The following RASEF variants were observed in gnomAD, a reference collection of about 807,000 sequenced individuals.
RASEF encodes the protein RAS and EF-hand domain containing.
In RASEF, 68 loss-of-function variants were observed where a neutral mutation model predicts 90.1. The observed-to-expected ratio is 0.75, with a 90% CI of 0.62 to 0.92. The LOEUF (loss-of-function observed/expected upper bound fraction) is 0.92, where lower values mean the gene tolerates loss of function less well. Ranked by LOEUF, RASEF falls within the 40% of genes least tolerant of loss-of-function variation. The probability of loss-of-function intolerance (pLI) is 0.00; values close to 1 mark genes in which losing one functional copy is unlikely to be tolerated. For missense variants in RASEF, 949 were observed against 937.2 expected (o/e 1.01, Z -0.16); for synonymous variants, 331 against 345.2 (o/e 0.96, Z 0.46).
the RASEF span, among the ~76,000 whole-genome samples, chr9:83,123,562 GC>G: frequency 7.1e-6 from 1 of 141,458 alleles, no homozygotes. Context: ...TGCTTCCTCA[GC>G]CCATCCTCAG....
At chr9:83,172,685 T>G in the RASEF span, among the ~76,000 whole-genome samples, 3 of 151,850 alleles carry the variant, frequency 2.0e-5, no homozygotes, top group Non-Finnish European at 4.4e-5. Context: ...TTTTCTGACT[T>G]TTTGTGTTTT....
chr9:83,131,331 G>A, the RASEF span, among the ~76,000 whole-genome samples: 3 of 152,204 alleles, frequency 2.0e-5, no homozygotes, highest in African/African-American at 7.2e-5. Flanking sequence ...GAGATAGGTT[G>A]TTAGAGAAGA....
At position 83,062,875 on chromosome 9, in the gene RASEF, G is replaced by A. The variant is rs769967154; in HGVS notation, c.-8C>T. On this transcript the variant is annotated 5_prime_UTR_variant, in exon 1 of 17. Transcript: ENST00000376447. The stretch of plus-strand genomic sequence containing the variant: ...GTCCCCATCCGCCTCCATCCCGCCT[G>A]GCGGGGGCGGCCGAGAGGGCTCCGG... 1.3e-6 allele frequency: 2 copies of A among 1,484,540 alleles called. No homozygotes were observed. The highest frequency in any genetic ancestry group is 1.8e-6 in the Non-Finnish European group (2 of 1,127,780). The allele number at this position is 1,484,540 out of a possible 1,614,324, so 92.0% of individuals were successfully genotyped here. A position where few individuals can be genotyped will look rare whatever the true frequency, so the allele number is the denominator to read the frequency against.
chr9:83,187,050 G>C, the RASEF span, among the ~76,000 whole-genome samples: 1 of 152,090 alleles, frequency 6.6e-6, no homozygotes, highest in African/African-American at 2.4e-5. Flanking sequence ...CAGGCACCAG[G>C]TAACTAGAGA....
chr9:82,982,810 A>T, intron 16 of RASEF, 28 bp from the exon 17 acceptor site: 1 of 427,838 alleles, frequency 2.3e-6, no homozygotes, highest in Non-Finnish European at 3.5e-6. Flanking sequence ...AGAGACAGAG[A>T]GAGAGAGAGA....
the RASEF span, among the ~76,000 whole-genome samples, chr9:83,095,529 T>C: frequency 6.6e-6 from 1 of 150,538 alleles, no homozygotes; most frequent in Non-Finnish European, 1.5e-5. Context: ...GGATTTCCTA[T>C]AAATGAAGCA....
At chr9:83,000,032 C>G in intron 12 of RASEF, 137 bp downstream of exon 12, 1 of 540,126 alleles carries the variant, frequency 1.9e-6, no homozygotes. Context: ...CACACACACA[C>G]ACACATTTAT....
intron 2 of RASEF, among the ~76,000 whole-genome samples, chr9:83,023,584 CATT>C (rs1829482347): frequency 2.0e-5 from 3 of 152,164 alleles, no homozygotes; most frequent in African/African-American, 4.8e-5. Context: ...TTTTCAGTAA[CATT>C]ATTATCTTCT....
At position 82,982,579 on chromosome 9, in the gene RASEF, A is replaced by G; in HGVS notation, c.*98T>C. 1.3e-6 allele frequency: 1 copy of G among 749,818 alleles called. No individual in the cohort carries two copies. The highest frequency in any genetic ancestry group is 2.4e-6 in the Non-Finnish European group (1 of 409,144). The allele number at this position is 749,818 out of a possible 1,614,324, so 46.4% of individuals were successfully genotyped here. ...CCTGCACTGTAACTCTCCATAGGACAGTGTCAGTAGGATGTGCCACTCTGT... is the reference window on the plus strand; with the variant it reads ...CCTGCACTGTAACTCTCCATAGGACGGTGTCAGTAGGATGTGCCACTCTGT... On this transcript the variant is annotated 3_prime_UTR_variant, in exon 17 of 17. Coordinates refer to ENST00000376447, the MANE Select transcript of RASEF (RefSeq NM_152573.4).
At chr9:83,202,781 C>T in the RASEF span, among the ~76,000 whole-genome samples, 1 of 152,098 alleles carries the variant, frequency 6.6e-6, no homozygotes, top group Admixed American at 6.6e-5. Flanking sequence ...CTTGAGCCAC[C>T]ACACCCAGCC....
chr9:83,216,977 T>C, the RASEF span, among the ~76,000 whole-genome samples: 2 of 152,214 alleles, frequency 1.3e-5, no homozygotes, highest in Non-Finnish European at 2.9e-5. Flanking sequence ...AGGCAGTCTG[T>C]ACCCTACAAA....
chr9:83,102,649 G>A, the RASEF span, among the ~76,000 whole-genome samples: 1 of 152,148 alleles, frequency 6.6e-6, no homozygotes, highest in East Asian at 1.9e-4. Flanking sequence ...GAAAAACGTG[G>A]GCAAGAGCCT....
At chr9:83,096,345 C>T in the RASEF span, among the ~76,000 whole-genome samples, 1 of 152,062 alleles carries the variant, frequency 6.6e-6, no homozygotes, top group African/African-American at 2.4e-5. Context: ...TCTAAGATTA[C>T]AAGAATGATC....
In RASEF at chr9:83,004,482, A is replaced by G. The variant is rs77393229; in HGVS notation, c.1202+16T>C. ...GATTCTGAACTTGAACAGAAAGTTA[A>G]GACGAGTTAACATACCTGTCATAGC... On this transcript the variant is annotated intron_variant, in intron 9 of 16. Coordinates refer to ENST00000376447, the MANE Select transcript of RASEF (RefSeq NM_152573.4). 4,236 of 1,498,496 alleles carry G rather than the reference A, an allele frequency of 2.8e-3. 88 individuals carry two copies. The African/African-American group carries it at 0.051, about 18-fold the overall frequency. 92.8% of individuals were successfully genotyped at this position (1,498,496 alleles called of 1,614,324 possible). A position where few individuals can be genotyped will look rare whatever the true frequency, so the allele number is the denominator to read the frequency against.
rs1564069796 is a variant in RASEF at position 82,992,925 on chromosome 9, A to G, written c.2021T>C (p.Phe674Ser). Residue 674 changes from phenylalanine to serine, a missense_variant, in exon 15 of 17, where the codon TTT (phenylalanine) becomes TCT (serine). By Grantham distance (155) the Phe-to-Ser change is radical. Coordinates refer to ENST00000376447, the MANE Select transcript of RASEF (RefSeq NM_152573.4). ...TCTTACCATGGCCAGTTTCTCTCCAAAGTGCCCTGGGACACATTTTTGTCC... is the reference window on the plus strand; with the variant it reads ...TCTTACCATGGCCAGTTTCTCTCCAGAGTGCCCTGGGACACATTTTTGTCC... Reference protein sequence around the residue: ...TEGQKCVPGHFGEKLAMTYGA... With the variant: ...TEGQKCVPGHSGEKLAMTYGA... The G allele has an allele frequency of 6.2e-7, 1 of 1,613,908 alleles. No homozygotes were observed. Among genetic ancestry groups the G allele is most frequent in the African/African-American group, 1.3e-5 (1 of 75,026 alleles).
the RASEF span, among the ~76,000 whole-genome samples, chr9:83,089,302 G>C: frequency 2.6e-5 from 4 of 151,964 alleles, no homozygotes; most frequent in Non-Finnish European, 5.9e-5. Flanking sequence ...AAATAAGATA[G>C]AAATAAAAAT....
At chr9:83,147,678 T>C in the RASEF span, among the ~76,000 whole-genome samples, 1 of 152,148 alleles carries the variant, frequency 6.6e-6, no homozygotes, top group Admixed American at 6.5e-5. Flanking sequence ...ACAGCTTAAA[T>C]GTTAACCAGC....
chr9:83,005,373 C>T (rs1188089220), intron 8 of RASEF, 43 bp downstream of exon 8: 7 of 1,380,044 alleles, frequency 5.1e-6, no homozygotes, highest in South Asian at 3.5e-5. Flanking sequence ...AAATACTCCA[C>T]CACTAGAAAG....
chr9:83,132,159 G>C, the RASEF span, among the ~76,000 whole-genome samples: 1 of 152,096 alleles, frequency 6.6e-6, no homozygotes, highest in Non-Finnish European at 1.5e-5. Flanking sequence ...AATGAAAGCA[G>C]CACTGCATAA....
Sources: gnomAD v4.1 joint callset for allele counts (sites outside exome capture counted in the v4.1 genomes callset) on GRCh38, gnomAD v4.1.1 for gene constraint, MANE v1.5 for transcripts, NCBI Gene and HGNC (gene_info 2026-07-23, HGNC 2026-07-21) for gene names.